The following FAM91A1 variants were observed in gnomAD, a reference collection of about 807,000 sequenced individuals.
FAM91A1 encodes the protein family with sequence similarity 91 member A1.
A neutral mutation model predicts 113.5 loss-of-function variants in FAM91A1; 41 were observed. The ratio of observed to expected loss-of-function variants is 0.36; its 90% CI spans 0.28 to 0.47. FAM91A1 has a LOEUF of 0.47. FAM91A1 is among the 20% of genes least tolerant of loss of function. The probability of loss-of-function intolerance (pLI) is 1.00; values close to 1 mark genes in which losing one functional copy is unlikely to be tolerated. For synonymous variants in FAM91A1, 307 were observed against 347.9 expected (o/e 0.88, Z 1.31); for missense variants, 696 against 1,001.2 (o/e 0.70, Z 4.11).
chr8:123,809,047 A>C, intron 22 of FAM91A1, 31 bp downstream of exon 22: 1 of 1,603,324 alleles, frequency 6.2e-7, no homozygotes, highest in Non-Finnish European at 8.5e-7. Flanking sequence ...TCATATTTTC[A>C]TATCAATTTT....
In FAM91A1 at chr8:123,768,833, G is replaced by C. The variant is rs1249955999; in HGVS notation, c.72+59G>C. Reference sequence around the variant, plus strand: ...GATTCGGCCCGCCCAGCGGTCACCTGCTTGCCTCGCTCGCGGGGCCCGAGC... The same window carrying C: ...GATTCGGCCCGCCCAGCGGTCACCTCCTTGCCTCGCTCGCGGGGCCCGAGC... On this transcript the variant is annotated intron_variant, in intron 1 of 23. Coordinates refer to ENST00000334705, the MANE Select transcript of FAM91A1 (RefSeq NM_144963.4). 1.4e-5 allele frequency: 21 copies of C among 1,544,116 alleles called. No homozygotes were observed. In the East Asian group the frequency reaches 4.9e-4, roughly 36 times the overall value.
At chr8:123,780,345 C>T (rs1351695070) in intron 7 of FAM91A1, 135 bp from the exon 8 acceptor site, 6 of 765,446 alleles carry the variant, frequency 7.8e-6, no homozygotes, top group Non-Finnish European at 1.2e-5. Flanking sequence ...TTCTTTTTCT[C>T]TTCTATTTTA....
chr8:123,781,933 A>AT (rs1426342214), intron 8 of FAM91A1, among the ~76,000 whole-genome samples: 2 of 152,234 alleles, frequency 1.3e-5, no homozygotes, highest in African/African-American at 4.8e-5. Flanking sequence ...GGTGGCCGTG[A>AT]TTTCCTGTCA....
At chr8:123,785,566 TACAAA>T in intron 10 of FAM91A1, 58 bp from the exon 11 acceptor site, 1 of 1,126,368 alleles carries the variant, frequency 8.9e-7, no homozygotes. Flanking sequence ...ATTTTTTCTC[TACAAA>T]TATTGTGATG....
At chr8:123,811,674 A>T (rs1815958835) in intron 23 of FAM91A1, among the ~76,000 whole-genome samples, 1 of 151,792 alleles carries the variant, frequency 6.6e-6, no homozygotes, top group Admixed American at 6.6e-5. Context: ...GGAAGAGGGG[A>T]GGGAAAATTT....
intron 8 of FAM91A1, 43 bp downstream of exon 8, chr8:123,780,585 T>A: frequency 5.9e-6 from 9 of 1,517,758 alleles, no homozygotes; most frequent in African/African-American, 1.4e-5. Flanking sequence ...TGAATGGATA[T>A]CAGGTGCTAA....
Position 123,808,908 on chromosome 8 carries a change from C to T in FAM91A1, c.2153C>T (p.Ala718Val). 2.5e-6 allele frequency: 4 copies of T among 1,610,112 alleles called. No individual in the cohort carries two copies. Among genetic ancestry groups the T allele is most frequent in the South Asian group, 1.1e-5 (1 of 90,726 alleles). ...CCTTTCTTAGGTGCCACAACAGAAG[C>T]AGATTGGGTTCCTCTCGAGCTGTGC... is the stretch of plus-strand genomic sequence containing the variant. ...TKQTSGATTE[A>V]DWVPLELCFG... Residue 718 changes from alanine to valine, a missense_variant, in exon 22 of 24, where the codon GCA becomes GTA. Transcript: ENST00000334705.
At chr8:123,781,768 A>G (rs1340618084) in intron 8 of FAM91A1, among the ~76,000 whole-genome samples, 5 of 152,196 alleles carry the variant, frequency 3.3e-5, no homozygotes, top group African/African-American at 1.2e-4. Context: ...TACAGGCGTG[A>G]GCCACCATGC....
At chr8:123,790,217 T>C (rs1158580937) in intron 15 of FAM91A1, among the ~76,000 whole-genome samples, 11 of 152,166 alleles carry the variant, frequency 7.2e-5, no homozygotes, top group Non-Finnish European at 1.5e-5. Context: ...TTTTAAAGAG[T>C]AAAAGAAGTA....
intron 3 of FAM91A1, among the ~76,000 whole-genome samples, chr8:123,776,444 C>T (rs1814985221): frequency 6.6e-6 from 1 of 152,204 alleles, no homozygotes; most frequent in South Asian, 2.1e-4. Context: ...CAGTCCCATG[C>T]ATCCCGTGTT....
intron 14 of FAM91A1, chr8:123,788,252 G>GTA (rs1397685453): frequency 1.0e-6 from 1 of 984,648 alleles, no homozygotes; most frequent in Non-Finnish European, 1.2e-6. Context: ...TTCCCCGTGA[G>GTA]TACAGCCCTA....
At chr8:123,782,573 C>A (rs985337890) in intron 8 of FAM91A1, among the ~76,000 whole-genome samples, 2 of 152,114 alleles carry the variant, frequency 1.3e-5, no homozygotes, top group Non-Finnish European at 2.9e-5. Context: ...TTTATAGCTT[C>A]CTGATTTCTG....
intron 1 of FAM91A1, among the ~76,000 whole-genome samples, chr8:123,772,505 C>A (rs966084450): frequency 6.6e-6 from 1 of 152,154 alleles, no homozygotes; most frequent in Non-Finnish European, 1.5e-5. Context: ...CTACTCTTAA[C>A]CCCTTATAAT....
chr8:123,776,312 G>A (rs965153804), intron 3 of FAM91A1, among the ~76,000 whole-genome samples: 7 of 152,218 alleles, frequency 4.6e-5, no homozygotes, highest in African/African-American at 7.2e-5. Context: ...GAGCAGAGAG[G>A]AGCCTAGAAC....
At chr8:123,785,573 A>G (rs1279764444) in intron 10 of FAM91A1, 56 bp from the exon 11 acceptor site, 1 of 1,166,840 alleles carries the variant, frequency 8.6e-7, no homozygotes, top group Non-Finnish European at 1.3e-6. Flanking sequence ...CTCTACAAAT[A>G]TTGTGATGTC....
In FAM91A1 at chr8:123,779,996, G is replaced by A; in HGVS notation, c.561G>A (p.Leu187=). The part of the protein sequence containing the change: ...ITEDDIKICT[L]PEKCAVDKII... ...TTTGCTTTTCTTAGATATGCACTTT[G>A]CCTGAGAAATGCGCTGTTGATAAGA... Residue 187 remains leucine (L), a synonymous_variant, in exon 7 of 24, where the codon TTG becomes TTA. Transcript: ENST00000334705. The A allele has an allele frequency of 2.5e-6, 4 of 1,612,830 alleles. No individual in the cohort carries two copies. Among genetic ancestry groups the A allele is most frequent in the Non-Finnish European group, 3.4e-6 (4 of 1,179,326 alleles).
chr8:123,803,885 C>T (rs1168496252), intron 18 of FAM91A1, among the ~76,000 whole-genome samples: 3 of 152,110 alleles, frequency 2.0e-5, no homozygotes, highest in Non-Finnish European at 4.4e-5. Flanking sequence ...ATGGGTCTCT[C>T]TTAAAGGGAA....
intron 22 of FAM91A1, among the ~76,000 whole-genome samples, chr8:123,809,881 G>T (rs571383194): frequency 1.3e-5 from 2 of 152,170 alleles, no homozygotes; most frequent in African/African-American, 2.4e-5. Context: ...GTAGGTTGGT[G>T]TGTGTTTAAT....
intron 9 of FAM91A1, 192 bp downstream of exon 9, chr8:123,784,768 G>A: frequency 2.3e-6 from 1 of 436,570 alleles, no homozygotes; most frequent in South Asian, 4.4e-5. Context: ...ATAATTTATA[G>A]TTTGGTTAAC....
Sources: allele counts gnomAD v4.1 joint callset (sites outside exome capture counted in the v4.1 genomes callset), GRCh38; gene constraint gnomAD v4.1.1; transcripts MANE v1.5; gene names NCBI Gene and HGNC (gene_info 2026-07-23, HGNC 2026-07-21).